Variants in SNX25 observed in about 807,000 individuals in gnomAD.
SNX25 encodes the protein sorting nexin-25.
In SNX25, 62 loss-of-function variants were observed where a neutral mutation model predicts 113.7. The ratio of observed to expected loss-of-function variants is 0.55; its 90% CI spans 0.44 to 0.67. SNX25 has a LOEUF of 0.67. SNX25 is among the 30% of genes least tolerant of loss of function. The pLI, the probability that SNX25 is intolerant of heterozygous loss-of-function variation, is 0.00. For synonymous variants in SNX25, 421 were observed against 436.2 expected, an observed-to-expected ratio of 0.97 and a Z score of 0.43; for missense variants, 1,014 against 1,161.0, an observed-to-expected ratio of 0.87 and a Z score of 1.84.
chr4:185,211,536 T>C (rs1480170482), intron 1 of SNX25, among the ~76,000 whole-genome samples: 1 of 152,244 alleles, frequency 6.6e-6, no homozygotes, highest in Non-Finnish European at 1.5e-5. Context: ...CAATAAAATA[T>C]GTCTTAGTTC....
chr4:185,316,283 T>A (rs891698749), intron 7 of SNX25, among the ~76,000 whole-genome samples: 1 of 152,168 alleles, frequency 6.6e-6, no homozygotes, highest in African/African-American at 2.4e-5. Context: ...TATTAACAAG[T>A]CTCCGAACAA....
At chr4:185,269,310 A>G (rs1748581862) in intron 5 of SNX25, among the ~76,000 whole-genome samples, 1 of 152,166 alleles carries the variant, frequency 6.6e-6, no homozygotes, top group African/African-American at 2.4e-5. Context: ...ATTCAAACCT[A>G]TACTCGAATA....
chr4:185,215,264 G>C (rs900343301), intron 1 of SNX25, among the ~76,000 whole-genome samples: 5 of 152,156 alleles, frequency 3.3e-5, no homozygotes, highest in African/African-American at 9.7e-5. Flanking sequence ...CTTTCTGTAA[G>C]CACATGGCAC....
chr4:185,229,744 A>G (rs749219014), intron 1 of SNX25, among the ~76,000 whole-genome samples: 2 of 152,216 alleles, frequency 1.3e-5, no homozygotes, highest in African/African-American at 4.8e-5. Flanking sequence ...TAACCATGTT[A>G]AATTTCCAAG....
intron 14 of SNX25, among the ~76,000 whole-genome samples, chr4:185,351,893 C>A (rs989468648): frequency 7.1e-6 from 1 of 139,928 alleles, no homozygotes; most frequent in African/African-American, 2.8e-5. Flanking sequence ...AGGCCAAGTG[C>A]GGGCCGTCAT....
At chr4:185,304,622 G>A (rs1168336582) in intron 6 of SNX25, among the ~76,000 whole-genome samples, 3 of 152,108 alleles carry the variant, frequency 2.0e-5, no homozygotes, top group African/African-American at 7.2e-5. Context: ...CTCCCAAAGT[G>A]CTGGAATTAC....
intron 13 of SNX25, among the ~76,000 whole-genome samples, chr4:185,347,423 T>C (rs761488018): frequency 6.6e-6 from 1 of 152,088 alleles, no homozygotes; most frequent in Non-Finnish European, 1.5e-5. Context: ...TAGTATCTCA[T>C]TGTGTTTGGG....
chr4:185,274,213 A>G (rs955089339), intron 5 of SNX25, among the ~76,000 whole-genome samples: 3 of 152,018 alleles, frequency 2.0e-5, no homozygotes, highest in Admixed American at 6.6e-5. Context: ...GGTGCGCCCC[A>G]CCACGCCTGG....
At chr4:185,348,390 C>A (rs1246666475) in intron 13 of SNX25, among the ~76,000 whole-genome samples, 1 of 143,700 alleles carries the variant, frequency 7.0e-6, no homozygotes, top group East Asian at 2.0e-4. Flanking sequence ...ACATGTATAT[C>A]ATTTCTTTAT....
At chr4:185,228,845 A>G (rs2126397074) in intron 1 of SNX25, among the ~76,000 whole-genome samples, 1 of 152,354 alleles carries the variant, frequency 6.6e-6, no homozygotes, top group Middle Eastern at 3.4e-3. Context: ...CTTCACAGTT[A>G]TCCTATGAGA....
chr4:185,346,526 T>G lies in SNX25; in HGVS notation c.2188-11T>G, dbSNP rs749136415. The G allele has an allele frequency of 2.6e-6, 4 of 1,516,838 alleles. No individual in the cohort carries two copies. Among genetic ancestry groups the G allele is most frequent in the Non-Finnish European group, 3.6e-6 (4 of 1,111,246 alleles). The allele number at this position is 1,516,838 out of a possible 1,614,324, so 94.0% of individuals were successfully genotyped here. A position where few individuals can be genotyped will look rare whatever the true frequency, so the allele number is the denominator to read the frequency against. On this transcript the variant is annotated splice_polypyrimidine_tract_variant and intron_variant, in intron 12 of 18. Transcript: ENST00000652585. ...TTCAAAATACTAACATTTCATTTTT[T>G]CCCCCCACAGTGCGTCCCTTCTTTA...
chr4:185,290,077 T>G (rs1751928837), intron 6 of SNX25, among the ~76,000 whole-genome samples: 1 of 152,108 alleles, frequency 6.6e-6, no homozygotes, highest in Non-Finnish European at 1.5e-5. Flanking sequence ...TTCCTTCATG[T>G]CTGTGTTTTC....
chr4:185,253,238 A>C (rs561934001), intron 2 of SNX25, among the ~76,000 whole-genome samples: 1 of 152,258 alleles, frequency 6.6e-6, no homozygotes, highest in African/African-American at 2.4e-5. Flanking sequence ...TGTTAAATTG[A>C]AAGTTCTTGA....
At chr4:185,277,952 T>C (rs2126581671) in intron 5 of SNX25, among the ~76,000 whole-genome samples, 1 of 46,858 alleles carries the variant, frequency 2.1e-5, no homozygotes, top group Middle Eastern at 7.9e-3. Flanking sequence ...CGGGATGGTC[T>C]CGATCTCCTG....
chr4:185,372,930 G>A, downstream of SNX25: 1 of 1,613,852 alleles, frequency 6.2e-7, no homozygotes, highest in Non-Finnish European at 8.5e-7. Flanking sequence ...CTTGAGCATA[G>A]ACGTTTCCGC....
rs1222968631 is a variant in SNX25 at position 185,232,410 on chromosome 4, C to CT, written c.430-14880dup. 6.6e-6 allele frequency among the ~76,000 whole-genome samples: 1 copy of CT among 152,148 alleles called. No individual in the cohort carries two copies. The highest frequency in any genetic ancestry group is 1.5e-5 in the Non-Finnish European group (1 of 68,024). ...TTTCCCAATAATGCAATTTTCTTCC[C>CT]TTTTATGGGCCGACCCCTCCTCTGC... is the stretch of plus-strand genomic sequence containing the variant. On this transcript the variant is annotated intron_variant, in intron 1 of 18. Coordinates refer to ENST00000652585, the MANE Select transcript of SNX25 (RefSeq NM_001378034.2). This position sits in a 1 kb window ranked among gnomAD's most constrained non-coding sequence, Gnocchi z 4.4.
downstream of SNX25, chr4:185,370,811 GA>G: frequency 6.2e-7 from 1 of 1,614,028 alleles, no homozygotes; most frequent in Non-Finnish European, 8.5e-7. Flanking sequence ...CATAGTCAGC[GA>G]TCCTGAGAGG....
intron 5 of SNX25, among the ~76,000 whole-genome samples, chr4:185,280,009 C>T (rs1324817554): frequency 6.6e-6 from 1 of 152,090 alleles, no homozygotes; most frequent in Non-Finnish European, 1.5e-5. Flanking sequence ...CAACCTTGAC[C>T]TCCCATGCTC....
rs2095204945 is a variant in SNX25, at chr4:185,332,779, G to C, written c.1914+20G>C. The C allele has an allele frequency of 3.1e-6, 5 of 1,606,882 alleles. No homozygotes were observed. The highest frequency in any genetic ancestry group is 1.7e-5 in the Admixed American group (1 of 59,422). On this transcript the variant is annotated intron_variant, in intron 10 of 18. Coordinates refer to ENST00000652585, the MANE Select transcript of SNX25 (RefSeq NM_001378034.2). ...AAGAAGGTAACTCTTTGCTTTCAAG[G>C]TTGTCTTTGAAAGTTAACATTTGTC...
Sources: gnomAD v4.1 joint callset for allele counts (sites outside exome capture counted in the v4.1 genomes callset) on GRCh38, gnomAD v4.1.1 for gene constraint, Gnocchi (gnomAD v3.1) non-coding constraint, MANE v1.5 for transcripts, NCBI Gene and HGNC (gene_info 2026-07-23, HGNC 2026-07-21) for gene names.